The following SGCZ variants were observed in gnomAD, a reference collection of about 807,000 sequenced individuals.
SGCZ encodes zeta-sarcoglycan.
In SGCZ, 40 loss-of-function variants were observed where a neutral mutation model predicts 41.3. The ratio of observed to expected loss-of-function variants is 0.97; its 90% CI spans 0.75 to 1.26. SGCZ has a LOEUF of 1.26. Among genes scored for constraint, SGCZ ranks in the 50% most tolerant of loss-of-function variants. The pLI is 0.00. For missense variants in SGCZ, 552 were observed against 369.8 expected, an observed-to-expected ratio of 1.49 and a Z score of -4.04; for synonymous variants, 206 against 137.5, an observed-to-expected ratio of 1.50 and a Z score of -3.49.
In SGCZ at chr8:14,554,893, G is replaced by A; in HGVS notation, c.73C>T (p.Gln25Ter). ...TREQYILATQQNNLPRTENAQ... is the reference protein window; with the variant it reads ...TREQYILATQ ...TTCTCAGTCCTTGGCAGGTTATTCT[G>A]TTGGGTTGCTAGTATGTATTGTTCT... The change falls in exon 2 of 8, where the codon CAG becomes TAG. Residue 25 changes from glutamine (Q) to a stop codon, truncating the protein, a stop_gained. Transcript: ENST00000382080. LOFTEE classifies it high-confidence loss of function. 6.2e-7 allele frequency: 1 copy of A among 1,612,380 alleles called. No individual in the cohort carries two copies. Among genetic ancestry groups the A allele is most frequent in the Non-Finnish European group, 8.5e-7 (1 of 1,179,230 alleles).
At chr8:14,322,595 C>G (rs532464485) in intron 3 of SGCZ, among the ~76,000 whole-genome samples, 3 of 152,082 alleles carry the variant, frequency 2.0e-5, no homozygotes, top group Non-Finnish European at 4.4e-5. Context: ...TAGAGGGTTT[C>G]ACAATCATTA....
intron 7 of SGCZ, among the ~76,000 whole-genome samples, chr8:14,094,884 C>T (rs537461933): frequency 6.6e-6 from 1 of 152,220 alleles, no homozygotes; most frequent in East Asian, 1.9e-4. Flanking sequence ...CTCTAATGAC[C>T]AATGATGAAG....
intron 1 of SGCZ, among the ~76,000 whole-genome samples, chr8:14,696,310 G>T (rs1404931633): frequency 6.6e-6 from 1 of 152,032 alleles, no homozygotes; most frequent in Non-Finnish European, 1.5e-5. Context: ...GCGGTATCAG[G>T]ATAAAAGATG....
At chr8:14,212,580 G>A (rs961785187) in intron 4 of SGCZ, among the ~76,000 whole-genome samples, 25 of 151,672 alleles carry the variant, frequency 1.6e-4, no homozygotes, top group African/African-American at 4.1e-4. Context: ...ACCAGGTGGC[G>A]TGACTGATAA....
chr8:14,765,071 C>T (rs760706877), intron 1 of SGCZ, among the ~76,000 whole-genome samples: 1 of 152,110 alleles, frequency 6.6e-6, no homozygotes, highest in Non-Finnish European at 1.5e-5. Flanking sequence ...GTGCCAAGTA[C>T]CTAAGAGTTC....
At chr8:14,599,467 A>G (rs190247538) in intron 1 of SGCZ, among the ~76,000 whole-genome samples, 4 of 152,282 alleles carry the variant, frequency 2.6e-5, no homozygotes, top group African/African-American at 9.6e-5. Flanking sequence ...TAATTTCACA[A>G]GTGTAAATGT....
At chr8:15,223,472 T>C (rs977996536) in intron 1 of SGCZ, among the ~76,000 whole-genome samples, 5 of 152,196 alleles carry the variant, frequency 3.3e-5, no homozygotes, top group African/African-American at 1.2e-4. Flanking sequence ...AGTAAATCAC[T>C]AGTCCCAGTA....
chr8:14,588,202 A>G (rs1805123547), intron 1 of SGCZ, among the ~76,000 whole-genome samples: 1 of 1,422 alleles, frequency 7.0e-4, no homozygotes, highest in Non-Finnish European at 6.3e-3. Flanking sequence ...ACCCAGAAGA[A>G]AAAAAAAAAA....
At chr8:14,726,753 T>C (rs1810070372) in intron 1 of SGCZ, among the ~76,000 whole-genome samples, 1 of 152,076 alleles carries the variant, frequency 6.6e-6, no homozygotes, top group Non-Finnish European at 1.5e-5. Context: ...AATATGATGT[T>C]TTGCATAAGG....
At chr8:15,149,711 C>CAAAAAAAA (rs750167614) in intron 1 of SGCZ, among the ~76,000 whole-genome samples, 2 of 57,260 alleles carry the variant, frequency 3.5e-5, no homozygotes, top group East Asian at 6.9e-4. Context: ...CTATAAACTA[C>CAAAAAAAA]AAAAAAAAAA....
chr8:15,097,838 G>A (rs1020934810), intron 1 of SGCZ, among the ~76,000 whole-genome samples: 11 of 6,076 alleles, frequency 1.8e-3, no homozygotes, highest in Admixed American at 8.2e-3. Flanking sequence ...ATATATACGT[G>A]TGTGTATATA....
intron 1 of SGCZ, among the ~76,000 whole-genome samples, chr8:15,027,792 G>A (rs1485973050): frequency 6.6e-6 from 1 of 151,874 alleles, no homozygotes; most frequent in African/African-American, 2.4e-5. Context: ...AAGGGAGAGG[G>A]ATAAAAAAGT....
intron 2 of SGCZ, among the ~76,000 whole-genome samples, chr8:14,454,745 G>C (rs893471382): frequency 6.6e-6 from 1 of 152,138 alleles, no homozygotes; most frequent in Non-Finnish European, 1.5e-5. Flanking sequence ...ATGTACCTTT[G>C]TATAAAGGAT....
At chr8:14,678,785 G>T (rs1808352400) in intron 1 of SGCZ, among the ~76,000 whole-genome samples, 1 of 152,184 alleles carries the variant, frequency 6.6e-6, no homozygotes, top group African/African-American at 2.4e-5. Context: ...CAACCAAGAT[G>T]TTCTTCAGTA....
chr8:14,803,604 A>G (rs958648745), intron 1 of SGCZ, among the ~76,000 whole-genome samples: 6 of 152,084 alleles, frequency 3.9e-5, no homozygotes, highest in African/African-American at 1.2e-4. Flanking sequence ...CCTGATTGCT[A>G]GCACAGCAGT....
At chr8:14,512,664 T>C (rs1416856556) in intron 2 of SGCZ, among the ~76,000 whole-genome samples, 1 of 151,930 alleles carries the variant, frequency 6.6e-6, no homozygotes, top group African/African-American at 2.4e-5. Context: ...CTTGGTCCCA[T>C]TATGTTGCCC....
intron 2 of SGCZ, among the ~76,000 whole-genome samples, chr8:14,470,168 T>C (rs1461320105): frequency 1.3e-5 from 2 of 152,128 alleles, no homozygotes; most frequent in African/African-American, 4.8e-5. Context: ...TGGTGTCCAC[T>C]ACTTTATATG....
At chr8:14,282,847 C>CTTTTTTTTTTTTTTTTTTTTTTT in intron 3 of SGCZ, among the ~76,000 whole-genome samples, 1 of 89,930 alleles carries the variant, frequency 1.1e-5, no homozygotes, top group Non-Finnish European at 2.0e-5. Flanking sequence ...CTTTCAAATA[C>CTTTTTTTTTTTTTTTTTTTTTTT]TTTTTTTTTT....
At position 14,134,796 on chromosome 8, in the gene SGCZ, A is replaced by G. The variant is rs191871624; in HGVS notation, c.548-26561T>C. ...AAATCAGGGTTTGGCAAATTGGCCC[A>G]TGATCCATACCAAGTTCTCCACCTG... is the stretch of plus-strand genomic sequence containing the variant. On this transcript the variant is annotated intron_variant, in intron 5 of 7. Coordinates refer to ENST00000382080, the MANE Select transcript of SGCZ (RefSeq NM_139167.4). Among the ~76,000 whole-genome samples, 201 of 152,314 alleles carry G rather than the reference A, an allele frequency of 1.3e-3. 1 individual carries two copies. The highest frequency in any genetic ancestry group is 0.012 in the Admixed American group (181 of 15,290).
Sources: gnomAD v4.1 joint callset for allele counts (sites outside exome capture counted in the v4.1 genomes callset) on GRCh38, gnomAD v4.1.1 for gene constraint, MANE v1.5 for transcripts, NCBI Gene and HGNC (gene_info 2026-07-23, HGNC 2026-07-21) for gene names.